PCDHGB6: variants seen among roughly 807,000 people sequenced by gnomAD.
The protein encoded by PCDHGB6 is protocadherin gamma subfamily B, 6.
A neutral mutation model predicts 59.1 loss-of-function variants in PCDHGB6; 51 were observed. The observed-to-expected ratio is 0.86, with a 90% CI of 0.69 to 1.09. The LOEUF (loss-of-function observed/expected upper bound fraction) is 1.09, where lower values mean the gene tolerates loss of function less well. Among genes scored for constraint, PCDHGB6 ranks in the 50% least tolerant of loss-of-function variants. The pLI, the probability that PCDHGB6 is intolerant of heterozygous loss-of-function variation, is 0.00. For missense variants in PCDHGB6, 1,148 were observed against 1,205.1 expected (o/e 0.95, Z 0.70); for synonymous variants, 466 against 495.1 (o/e 0.94, Z 0.78).
At chr5:141,421,619 C>G in intron 1 of PCDHGB6, 1 of 1,613,694 alleles carries the variant, frequency 6.2e-7, no homozygotes, top group Non-Finnish European at 8.5e-7. Flanking sequence ...AATGATAACG[C>G]CCCCAGCTTC....
Position 141,489,752 on chromosome 5 carries a change from C to G in PCDHGB6, c.2419-5055C>G. ...GGCACCAATACTGTGAGCTTTTACA[C>G]TCTAAGCCCCAACAGCCACTTCTCT... On this transcript the variant is annotated intron_variant, in intron 1 of 3. Coordinates refer to ENST00000520790, the MANE Select transcript of PCDHGB6 (RefSeq NM_018926.3). This position sits in a 1 kb window ranked among gnomAD's most constrained non-coding sequence, Gnocchi z 4.5. The G allele has an allele frequency of 6.2e-7, 1 of 1,614,136 alleles. No individual in the cohort carries two copies. The highest frequency in any genetic ancestry group is 8.5e-7 in the Non-Finnish European group (1 of 1,179,972).
chr5:141,448,496 G>A (rs1277705943), intron 1 of PCDHGB6, among the ~76,000 whole-genome samples: 1 of 152,024 alleles, frequency 6.6e-6, no homozygotes, highest in Non-Finnish European at 1.5e-5. Flanking sequence ...GTCCCCTGTA[G>A]GTAAACATTT....
chr5:141,434,174 C>T (rs1310074584), intron 1 of PCDHGB6, among the ~76,000 whole-genome samples: 1 of 152,132 alleles, frequency 6.6e-6, no homozygotes, highest in Non-Finnish European at 1.5e-5. Flanking sequence ...GGGATTATAT[C>T]CAAGATTTGT....
chr5:141,447,328 C>T (rs546209008), intron 1 of PCDHGB6, among the ~76,000 whole-genome samples: 39 of 151,886 alleles, frequency 2.6e-4, no homozygotes, highest in Admixed American at 7.2e-4. Flanking sequence ...TTAGTAGAGA[C>T]GGGTTTCATC....
At chr5:141,433,605 G>A (rs1411907056) in intron 1 of PCDHGB6, among the ~76,000 whole-genome samples, 1 of 152,114 alleles carries the variant, frequency 6.6e-6, no homozygotes, top group South Asian at 2.1e-4. Context: ...GGAGGCCGAG[G>A]CGGGTGGATC....
intron 2 of PCDHGB6, among the ~76,000 whole-genome samples, chr5:141,496,492 C>A (rs2099769172): frequency 6.6e-6 from 1 of 152,186 alleles, no homozygotes; most frequent in Non-Finnish European, 1.5e-5. Context: ...CCAACCAAAC[C>A]CTTGTTGCCA....
intron 1 of PCDHGB6, chr5:141,440,169 C>A (rs891186588): frequency 1.3e-5 from 2 of 152,218 alleles, no homozygotes; most frequent in Non-Finnish European, 2.9e-5. Flanking sequence ...TGGGCCATAA[C>A]GCTTTGAAAT....
chr5:141,437,371 A>C (rs887976412), intron 1 of PCDHGB6, among the ~76,000 whole-genome samples: 1 of 152,262 alleles, frequency 6.6e-6, no homozygotes, highest in African/African-American at 2.4e-5. Context: ...GAATGTAATC[A>C]GTCAGAAGAC....
Position 141,415,384 on chromosome 5 carries a change from A to G in PCDHGB6, c.2418+4764A>G, listed in dbSNP as rs767664633. ...GCTGCAGGCTTCAGGAGGCGGCTTG[A>G]CAGGTGTGTCCGGCTCGCACTTTGT... On this transcript the variant is annotated intron_variant, in intron 1 of 3. Coordinates refer to ENST00000520790, the MANE Select transcript of PCDHGB6 (RefSeq NM_018926.3). 9.3e-6 allele frequency: 15 copies of G among 1,614,156 alleles called. No homozygotes were observed. The East Asian group carries it at 2.2e-4, about 24-fold the overall frequency.
intron 1 of PCDHGB6, among the ~76,000 whole-genome samples, chr5:141,484,107 A>C (rs13361997): frequency 0.24 from 37,195 of 152,070 alleles, 6,332 homozygotes; most frequent in African/African-American, 0.48. Context: ...TAATTAACAA[A>C]AGATCAAGAA....
chr5:141,451,676 G>C (rs1363843426), intron 1 of PCDHGB6, among the ~76,000 whole-genome samples: 1 of 152,142 alleles, frequency 6.6e-6, no homozygotes, highest in African/African-American at 2.4e-5. Context: ...GAGCCCAGGA[G>C]TTCAAGACCA....
At chr5:141,492,197 TA>T (rs2099738125) in intron 1 of PCDHGB6, among the ~76,000 whole-genome samples, 1 of 152,200 alleles carries the variant, frequency 6.6e-6, no homozygotes, top group African/African-American at 2.4e-5. Flanking sequence ...CTGCGGGACT[TA>T]GGTGTGCGCG....
chr5:141,428,238 G>A lies in PCDHGB6; in HGVS notation c.2418+17618G>A, dbSNP rs775703660. On this transcript the variant is annotated intron_variant, in intron 1 of 3. Transcript: ENST00000520790. ...TAGTCTTCGCAGACAGCCTGCAGGA[G>A]GCACTGCCAGACTTCAGTGACAGTC... 1.0e-5 allele frequency: 10 copies of A among 998,180 alleles called. No individual in the cohort carries two copies. The South Asian group carries it at 1.3e-4, about 13-fold the overall frequency. The allele number at this position is 998,180 out of a possible 1,614,324, so 61.8% of individuals were successfully genotyped here. A position where few individuals can be genotyped will look rare whatever the true frequency, so the allele number is the denominator to read the frequency against.
Position 141,409,447 on chromosome 5 carries a change from A to C in PCDHGB6, c.1245A>C (p.Thr415=). The C allele has an allele frequency of 6.2e-7, 1 of 1,614,008 alleles. No homozygotes were observed. The highest frequency in any genetic ancestry group is 8.5e-7 in the Non-Finnish European group (1 of 1,179,894). The change falls in exon 1 of 4, where the codon ACA becomes ACC. Residue 415 remains threonine, a synonymous_variant. Coordinates refer to ENST00000520790, the MANE Select transcript of PCDHGB6 (RefSeq NM_018926.3). ...ATGGAGCCCTGGACCGAGAGCAGAC[A>C]CCAGAATACAATGTCACCATCGTAG... ...VTDGALDREQ[T]PEYNVTIVAT... is the part of the protein sequence containing the mutation.
intron 1 of PCDHGB6, among the ~76,000 whole-genome samples, chr5:141,472,030 G>A (rs2099269943): frequency 6.6e-6 from 1 of 152,030 alleles, no homozygotes; most frequent in African/African-American, 2.4e-5. Flanking sequence ...TATGTAGAAA[G>A]CTGTGAAAAG....
rs1480686339 is a variant in PCDHGB6, at chr5:141,415,643, A to G, written c.2418+5023A>G. ...TTTATTTTCATTTTTACTTTTGTTA[A>G]AAAAAAAAAGATTGGTTTTTACTTT... is the stretch of plus-strand genomic sequence containing the variant. On this transcript the variant is annotated intron_variant, in intron 1 of 3. Transcript: ENST00000520790. The G allele has an allele frequency of 5.1e-6, 8 of 1,571,752 alleles. No individual in the cohort carries two copies. In the South Asian group the frequency reaches 9.1e-5, roughly 18 times the overall value.
At chr5:141,505,616 C>T in intron 3 of PCDHGB6, 135 bp downstream of exon 3, 2 of 1,503,162 alleles carry the variant, frequency 1.3e-6, no homozygotes, top group South Asian at 1.3e-5. Flanking sequence ...CTGAAAGGAC[C>T]CACAATTCCA....
intron 1 of PCDHGB6, chr5:141,415,113 C>G: frequency 1.2e-6 from 2 of 1,613,642 alleles, no homozygotes; most frequent in Non-Finnish European, 1.7e-6. Context: ...AGCAAAGCCT[C>G]GTAGTGGCCG....
chr5:141,477,189 A>G lies in PCDHGB6; in HGVS notation c.2419-17618A>G, dbSNP rs377372902. ...CCGGAGATCACAGTCACCTCCGTGT[A>G]CAGCCCAGTACCCGAGGATGCCCCT... On this transcript the variant is annotated intron_variant, in intron 1 of 3. Coordinates refer to ENST00000520790, the MANE Select transcript of PCDHGB6 (RefSeq NM_018926.3). The surrounding 1 kb of genome is among the most constrained non-coding windows in gnomAD (Gnocchi z 4.9). 6.2e-7 allele frequency: 1 copy of G among 1,614,070 alleles called. No homozygotes were observed. The highest frequency in any genetic ancestry group is 8.5e-7 in the Non-Finnish European group (1 of 1,180,040).
Sources: allele counts gnomAD v4.1 joint callset (sites outside exome capture counted in the v4.1 genomes callset), GRCh38; gene constraint gnomAD v4.1.1; non-coding constraint Gnocchi (gnomAD v3.1); transcripts MANE v1.5; gene names NCBI Gene and HGNC (gene_info 2026-07-23, HGNC 2026-07-21).